Variants in SCAF11 observed in about 807,000 individuals in gnomAD.
SCAF11 encodes protein SCAF11.
In SCAF11, 47 loss-of-function variants were observed where a neutral mutation model predicts 140.5. The ratio of observed to expected loss-of-function variants is 0.33; its 90% CI spans 0.26 to 0.43. The LOEUF (loss-of-function observed/expected upper bound fraction) is 0.43, where lower values mean the gene tolerates loss of function less well. SCAF11 is among the 20% of genes least tolerant of loss of function. SCAF11 has a pLI of 1.00. For missense variants in SCAF11, 1,645 were observed against 1,705.1 expected (o/e 0.96, Z 0.62); for synonymous variants, 557 against 579.4 (o/e 0.96, Z 0.55).
intron 9 of SCAF11, among the ~76,000 whole-genome samples, chr12:45,932,151 C>T (rs1945060489): frequency 6.6e-6 from 1 of 152,006 alleles, no homozygotes; most frequent in African/African-American, 2.4e-5. Context: ...CCCTCCTTTC[C>T]AGGCAACCAA....
chr12:45,948,917 A>G lies in SCAF11; in HGVS notation c.298-380T>C, dbSNP rs1466049402. ...TCTAAGAAAAAAATATTCTAGGTGG[A>G]GGAAAGAACAGAGTTGTAAGGAACA... On this transcript the variant is annotated intron_variant, in intron 4 of 14. Transcript: ENST00000369367. 2.6e-5 allele frequency among the ~76,000 whole-genome samples: 4 copies of G among 152,174 alleles called. No homozygotes were observed. In the South Asian group the frequency reaches 6.2e-4, roughly 24 times the overall value.
intron 3 of SCAF11, 60 bp from the exon 4 acceptor site, chr12:45,951,787 TACAA>T: frequency 9.5e-7 from 1 of 1,058,096 alleles, no homozygotes; most frequent in Non-Finnish European, 1.4e-6. Context: ...AAATTATAAA[TACAA>T]TTATAAATTT....
At chr12:45,945,536 CTT>C (rs36058160) in intron 5 of SCAF11, among the ~76,000 whole-genome samples, 38 of 122,022 alleles carry the variant, frequency 3.1e-4, no homozygotes, top group African/African-American at 6.5e-4. Flanking sequence ...TTATCTCAGT[CTT>C]TTTTTTTTTT....
At chr12:45,968,488 A>C (rs1014247358) in intron 1 of SCAF11, among the ~76,000 whole-genome samples, 1 of 152,162 alleles carries the variant, frequency 6.6e-6, no homozygotes, top group African/African-American at 2.4e-5. Flanking sequence ...CTAAGTTTTA[A>C]ATTTTATTTA....
rs372313182 is a variant in SCAF11 at position 45,966,220 on chromosome 12, G to A, written c.-21-2032C>T. On this transcript the variant is annotated intron_variant, in intron 1 of 14. Transcript: ENST00000369367. ...ACTAGTAAGAATGTTTAGCTTGGAA[G>A]AACAGAAAGCTTAAGAACATTAGCA... is the stretch of plus-strand genomic sequence containing the variant. 1.8e-4 allele frequency among the ~76,000 whole-genome samples: 28 copies of A among 152,160 alleles called. No individual in the cohort carries two copies. The South Asian group carries it at 5.8e-3, about 32-fold the overall frequency.
In SCAF11 at chr12:45,961,937, G is replaced by C. The variant is rs959757037; in HGVS notation, c.62-80C>G. ...GTGTTTCTAGGAGTATAGTGGATTA[G>C]ATACTCTAAAGGACCCTCCTACTAT... On this transcript the variant is annotated intron_variant, in intron 2 of 14. Transcript: ENST00000369367. 45 of 1,140,028 alleles carry C rather than the reference G, an allele frequency of 3.9e-5. No individual in the cohort carries two copies. In the Admixed American group the frequency reaches 1.2e-3, roughly 30 times the overall value. The allele number at this position is 1,140,028 out of a possible 1,614,324, so 70.6% of individuals were successfully genotyped here. A position where few individuals can be genotyped will look rare whatever the true frequency, so the allele number is the denominator to read the frequency against.
chr12:45,932,058 T>C (rs1370204340), intron 9 of SCAF11, among the ~76,000 whole-genome samples: 1 of 152,154 alleles, frequency 6.6e-6, no homozygotes, highest in Non-Finnish European at 1.5e-5. Context: ...TATATATATG[T>C]CTGTGTTAAC....
At chr12:45,959,458 G>A (rs573972553) in intron 3 of SCAF11, among the ~76,000 whole-genome samples, 1 of 152,320 alleles carries the variant, frequency 6.6e-6, no homozygotes, top group African/African-American at 2.4e-5. Flanking sequence ...GTGTATGACA[G>A]CCTAGGCATA....
rs764472904 is a variant in SCAF11, at chr12:45,927,036, T to C, written c.2665A>G (p.Arg889Gly). ...ESLSPRRETS[R>G]ENKRSQPRVK... ...CTTGGCTGAGATCTTTTGTTCTCTC[T>C]AGAAGTTTCTCTTCTTGGGGACAGT... Residue 889 changes from arginine to glycine, a missense_variant, in exon 11 of 15, where the codon AGA (arginine) becomes GGA (glycine). Arg to Gly is a moderately radical substitution (Grantham distance 125). This residue lies in a region of SCAF11 where 1,582 missense variants were observed against 1,609.2 expected (regional missense o/e 0.98). Transcript: ENST00000369367. 1.2e-6 allele frequency: 2 copies of C among 1,614,104 alleles called. No homozygotes were observed. The highest frequency in any genetic ancestry group is 1.1e-5 in the South Asian group (1 of 91,088).
At chr12:45,961,199 C>CACTT in intron 3 of SCAF11, 1 of 615,710 alleles carries the variant, frequency 1.6e-6, no homozygotes, top group South Asian at 2.1e-5. Context: ...AGATCTTGAC[C>CACTT]AAGTCATAGA....
chr12:45,961,474 ACT>A (rs1945827545), intron 3 of SCAF11: 5 of 581,882 alleles, frequency 8.6e-6, no homozygotes, highest in Non-Finnish European at 1.5e-5. Flanking sequence ...AAGGTTATTA[ACT>A]TTTTTTAAAA....
intron 1 of SCAF11, among the ~76,000 whole-genome samples, chr12:45,964,912 GA>G (rs923621422): frequency 4.0e-5 from 6 of 150,414 alleles, no homozygotes; most frequent in Non-Finnish European, 8.8e-5. Context: ...GCGGGTGAGA[GA>G]AAACAGTGGG....
rs777955142 is a variant in SCAF11, at chr12:45,945,280, A to G, written c.432T>C (p.Ser144=). The G allele has an allele frequency of 3.8e-6, 6 of 1,585,108 alleles. No individual in the cohort carries two copies. Among genetic ancestry groups the G allele is most frequent in the Non-Finnish European group, 3.4e-6 (4 of 1,166,198 alleles). Residue 144 remains serine, a synonymous_variant, in exon 6 of 15, where the codon AGT becomes AGC. Coordinates refer to ENST00000369367, the MANE Select transcript of SCAF11 (RefSeq NM_004719.3). ...TCCACTTCAAGTCACAAACTTTTGC[A>G]CTTAATAGATCTTCTCTTACGATGG... is the stretch of plus-strand genomic sequence containing the variant. ...RKAIVREDLL[S]AKVCDLKWIH...
In SCAF11 at chr12:45,924,818, T is replaced by C. The variant is rs750534824; in HGVS notation, c.3816A>G (p.Val1272=). 6.2e-7 allele frequency: 1 copy of C among 1,614,004 alleles called. No homozygotes were observed. Among genetic ancestry groups the C allele is most frequent in the South Asian group, 1.1e-5 (1 of 91,076 alleles). The change falls in exon 12 of 15, where the codon GTA becomes GTG. Residue 1272 remains valine, a synonymous_variant. Transcript: ENST00000369367. ...PLMQVATPTS[V]SQGLPPPPPP... is the part of the protein sequence containing the mutation. Reference sequence around the variant, plus strand: ...GTGGTGGTGGTGGTAGTCCCTGAGATACACTGGTAGGAGTGGCTACCTGCA... The same window carrying C: ...GTGGTGGTGGTGGTAGTCCCTGAGACACACTGGTAGGAGTGGCTACCTGCA...
intron 6 of SCAF11, among the ~76,000 whole-genome samples, chr12:45,941,774 T>C (rs1945307118): frequency 6.6e-6 from 1 of 152,224 alleles, no homozygotes; most frequent in African/African-American, 2.4e-5. Flanking sequence ...GTTAGCTTCA[T>C]CTTTCAAGTA....
rs777261081 is a variant in SCAF11, at chr12:45,928,022, A to C, written c.1679T>G (p.Val560Gly). 15 of 1,613,356 alleles carry C rather than the reference A, an allele frequency of 9.3e-6. No homozygotes were observed. The highest frequency in any genetic ancestry group is 1.2e-5 in the Non-Finnish European group (14 of 1,179,990). The stretch of plus-strand genomic sequence containing the variant: ...TAGGGGACAAGATACAGGTTGGTAC[A>C]CTTTGCTTTCAGATGTTAAACATGT... ...FPTCLTSESKVYQPVSCPLSD... is the reference protein window; with the variant it reads ...FPTCLTSESKGYQPVSCPLSD... Residue 560 changes from valine to glycine, a missense_variant, in exon 11 of 15, where the codon GTG becomes GGG. Physicochemically the swap from Val to Gly is moderately radical, Grantham distance 109 (BLOSUM62 -3). Coordinates refer to ENST00000369367, the MANE Select transcript of SCAF11 (RefSeq NM_004719.3).
At chr12:45,934,596 G>C in intron 6 of SCAF11, 91 bp from the exon 7 acceptor site, 1 of 736,080 alleles carries the variant, frequency 1.4e-6, no homozygotes, top group Non-Finnish European at 2.1e-6. Flanking sequence ...CATTGGCAAG[G>C]GTTGAAATAC....
chr12:45,972,560 G>A (rs1946097958), intron 1 of SCAF11, among the ~76,000 whole-genome samples: 1 of 143,824 alleles, frequency 7.0e-6, no homozygotes, highest in Admixed American at 7.1e-5. Flanking sequence ...CTTCAGCCTG[G>A]ATGCGACAGC....
Position 45,969,474 on chromosome 12 carries a change from C to T in SCAF11, c.-21-5286G>A, listed in dbSNP as rs78731024. ...AGTAAGCCCATGGTATCTAAAGATACCTACATCCTGGTTAATACTACAAAC... is the reference window on the plus strand; with the variant it reads ...AGTAAGCCCATGGTATCTAAAGATATCTACATCCTGGTTAATACTACAAAC... On this transcript the variant is annotated intron_variant, in intron 1 of 14. Coordinates refer to ENST00000369367, the MANE Select transcript of SCAF11 (RefSeq NM_004719.3). 7.2e-3 allele frequency among the ~76,000 whole-genome samples: 1,091 copies of T among 152,204 alleles called. 10 individuals are homozygous for T. The highest frequency in any genetic ancestry group is 0.025 in the African/African-American group (1,032 of 41,520).
Sources: gnomAD v4.1 joint callset for allele counts (sites outside exome capture counted in the v4.1 genomes callset) on GRCh38, gnomAD v4.1.1 for gene constraint, gnomAD v4.1.1 regional missense constraint, MANE v1.5 for transcripts, NCBI Gene and HGNC (gene_info 2026-07-23, HGNC 2026-07-21) for gene names.